CACNA2D2: variants seen among roughly 807,000 people sequenced by gnomAD.
CACNA2D2 encodes the protein voltage-dependent calcium channel subunit alpha-2/delta-2.
A neutral mutation model predicts 166.4 loss-of-function variants in CACNA2D2; 48 were observed. The observed-to-expected ratio is 0.29, with a 90% CI of 0.23 to 0.37. CACNA2D2 has a LOEUF of 0.37. CACNA2D2 is among the 10% of genes least tolerant of loss of function. CACNA2D2 has a pLI of 1.00. For synonymous variants in CACNA2D2, 561 were observed against 573.7 expected, an observed-to-expected ratio of 0.98 and a Z score of 0.32; for missense variants, 1,122 against 1,433.0, an observed-to-expected ratio of 0.78 and a Z score of 3.50.
chr3:50,407,459 G>C (rs1038517859), intron 3 of CACNA2D2, among the ~76,000 whole-genome samples: 1 of 152,216 alleles, frequency 6.6e-6, no homozygotes, highest in African/African-American at 2.4e-5. Context: ...TCAAGGCCAG[G>C]GGGTGGAATG....
chr3:50,405,707 G>C (rs1289430572), intron 3 of CACNA2D2, among the ~76,000 whole-genome samples: 2 of 152,068 alleles, frequency 1.3e-5, no homozygotes, highest in African/African-American at 4.8e-5. Flanking sequence ...TCAAGGTGAA[G>C]ACAACAAGGT....
chr3:50,471,173 T>A (rs1710079799), intron 2 of CACNA2D2, among the ~76,000 whole-genome samples: 1 of 151,548 alleles, frequency 6.6e-6, no homozygotes, highest in Non-Finnish European at 1.5e-5. Context: ...GGAGGCTGCG[T>A]GATGAGCAAG....
At position 50,380,822 on chromosome 3, in the gene CACNA2D2, G is replaced by A. The variant is rs967394144; in HGVS notation, c.785-17C>T. The A allele has an allele frequency of 1.9e-6, 3 of 1,543,690 alleles. No individual in the cohort carries two copies. Among genetic ancestry groups the A allele is most frequent in the African/African-American group, 1.4e-5 (1 of 72,410 alleles). On this transcript the variant is annotated splice_polypyrimidine_tract_variant and intron_variant, in intron 7 of 37. Coordinates refer to ENST00000424201, the MANE Select transcript of CACNA2D2 (RefSeq NM_006030.4). The surrounding 1 kb of genome is among the most constrained non-coding windows in gnomAD (Gnocchi z 4.9). ...ACGGGGTGGCTGAGGGAGGAGAGAA[G>A]GTGAGGGGGACTGGCAGGAAAGGGC...
intron 2 of CACNA2D2, among the ~76,000 whole-genome samples, chr3:50,462,123 T>C (rs1208003788): frequency 6.6e-6 from 1 of 151,942 alleles, no homozygotes; most frequent in African/African-American, 2.4e-5. Flanking sequence ...GTGGCTCACA[T>C]CTGTAATTCC....
intron 2 of CACNA2D2, among the ~76,000 whole-genome samples, chr3:50,448,053 C>CT (rs1289982760): frequency 6.6e-6 from 1 of 152,178 alleles, no homozygotes; most frequent in East Asian, 1.9e-4. Context: ...CTTGAGCCCT[C>CT]TGAGTTGCTA....
At chr3:50,479,138 C>T (rs1428639486) in intron 1 of CACNA2D2, among the ~76,000 whole-genome samples, 1 of 152,166 alleles carries the variant, frequency 6.6e-6, no homozygotes, top group Admixed American at 6.5e-5. Flanking sequence ...AAGTCCAATC[C>T]TTCCCCAAGA....
chr3:50,394,249 G>A, intron 3 of CACNA2D2, 81 bp from the exon 4 acceptor site: 1 of 1,155,204 alleles, frequency 8.7e-7, no homozygotes, highest in Non-Finnish European at 1.3e-6. Flanking sequence ...TCCATCCCCA[G>A]CACTCCCTGG....
At chr3:50,388,462 T>C (rs1246892549) in intron 4 of CACNA2D2, among the ~76,000 whole-genome samples, 1 of 152,236 alleles carries the variant, frequency 6.6e-6, no homozygotes, top group Admixed American at 6.5e-5. Flanking sequence ...TCCTCAGCCC[T>C]GTTCTGTACG....
chr3:50,477,463 G>T (rs939781036), intron 1 of CACNA2D2, among the ~76,000 whole-genome samples: 4 of 152,142 alleles, frequency 2.6e-5, no homozygotes, highest in African/African-American at 9.7e-5. Context: ...CCTTGCCTGG[G>T]TTCAGATACA....
At position 50,367,461 on chromosome 3, in the gene CACNA2D2, G is replaced by A. The variant is rs2109409440; in HGVS notation, c.2334C>T (p.Phe778=). ...GGCTGCGGCGGTAGAAGCTGGCATTGAAGGGCTCAGGGTTCTCTGTCCAGT... is the reference window on the plus strand; with the variant it reads ...GGCTGCGGCGGTAGAAGCTGGCATTAAAGGGCTCAGGGTTCTCTGTCCAGT... ...AEDWTENPEP[F]NASFYRRSLD... is the part of the protein sequence containing the mutation. Residue 778 remains phenylalanine (F), a synonymous_variant, in exon 27 of 38, where the codon TTC becomes TTT. Coordinates refer to ENST00000424201, the MANE Select transcript of CACNA2D2 (RefSeq NM_006030.4). The surrounding 1 kb of genome is among the most constrained non-coding windows in gnomAD (Gnocchi z 6.5). 2 of 1,613,972 alleles carry A rather than the reference G, an allele frequency of 1.2e-6. No individual in the cohort carries two copies. Among genetic ancestry groups the A allele is most frequent in the Admixed American group, 1.7e-5 (1 of 60,018 alleles).
At position 50,366,030 on chromosome 3, in the gene CACNA2D2, G is replaced by A. The variant is rs770979606; in HGVS notation, c.2843C>T (p.Ala948Val). Reference protein sequence around the residue: ...APQPPGNLGAAPRGVFVPTVA... With the variant: ...APQPPGNLGAVPRGVFVPTVA... ...ACTCACCACAAAGACACCCCGGGGT[G>A]CAGCACCCAGGTTGCCAGGGGGCTG... The change falls in exon 32 of 38, where the codon GCA (alanine) becomes GTA (valine). Residue 948 changes from alanine to valine, a missense_variant. Transcript: ENST00000424201. The surrounding 1 kb of genome is among the most constrained non-coding windows in gnomAD (Gnocchi z 5.9). The A allele has an allele frequency of 2.5e-6, 4 of 1,613,004 alleles. No homozygotes were observed. The South Asian group carries it at 3.3e-5, about 13-fold the overall frequency.
Position 50,380,726 on chromosome 3 carries a change from C to A in CACNA2D2, c.842+22G>T. On this transcript the variant is annotated intron_variant, in intron 8 of 37. Coordinates refer to ENST00000424201, the MANE Select transcript of CACNA2D2 (RefSeq NM_006030.4). The surrounding 1 kb of genome is among the most constrained non-coding windows in gnomAD (Gnocchi z 4.9). ...GGGGAACTGAGGGGGTGTCCCTCCCCAGCCCCTTCTTGCTCGCTCACCAGG... is the reference window on the plus strand; with the variant it reads ...GGGGAACTGAGGGGGTGTCCCTCCCAAGCCCCTTCTTGCTCGCTCACCAGG... 6.7e-7 allele frequency: 1 copy of A among 1,502,402 alleles called. No individual in the cohort carries two copies. Among genetic ancestry groups the A allele is most frequent in the Non-Finnish European group, 8.9e-7 (1 of 1,124,570 alleles). The allele number at this position is 1,502,402 out of a possible 1,614,324, so 93.1% of individuals were successfully genotyped here. A position where few individuals can be genotyped will look rare whatever the true frequency, so the allele number is the denominator to read the frequency against.
chr3:50,432,003 A>G (rs1334808597), intron 3 of CACNA2D2, among the ~76,000 whole-genome samples: 2 of 151,054 alleles, frequency 1.3e-5, no homozygotes, highest in Non-Finnish European at 2.9e-5. Flanking sequence ...AAAAAAAACA[A>G]AGAAAGAAAA....
At chr3:50,469,415 G>C (rs1012488184) in intron 2 of CACNA2D2, among the ~76,000 whole-genome samples, 3 of 152,088 alleles carry the variant, frequency 2.0e-5, no homozygotes, top group African/African-American at 7.2e-5. Flanking sequence ...GATCAACAGA[G>C]ATGAAGGGAC....
chr3:50,394,042 C>T, intron 4 of CACNA2D2, 67 bp downstream of exon 4: 1 of 1,454,556 alleles, frequency 6.9e-7, no homozygotes, highest in Non-Finnish European at 9.6e-7. Context: ...GCTCCCACCC[C>T]CCAGCATTCA....
At chr3:50,444,444 G>T (rs1457632247) in intron 2 of CACNA2D2, among the ~76,000 whole-genome samples, 2 of 152,352 alleles carry the variant, frequency 1.3e-5, no homozygotes, top group Middle Eastern at 3.4e-3. Context: ...AGTCTGCACA[G>T]CCCTGAGCTA....
chr3:50,435,523 T>C (rs1428031740), intron 2 of CACNA2D2, among the ~76,000 whole-genome samples: 1 of 149,320 alleles, frequency 6.7e-6, no homozygotes, highest in East Asian at 2.0e-4. Flanking sequence ...GAGGAGGTGA[T>C]GAGGGGAGAT....
At chr3:50,492,194 G>A (rs979368603) in intron 1 of CACNA2D2, among the ~76,000 whole-genome samples, 12 of 152,242 alleles carry the variant, frequency 7.9e-5, no homozygotes, top group African/African-American at 2.4e-4. Context: ...CGTTACGTCC[G>A]TGGCTGTGGC....
Position 50,367,560 on chromosome 3 carries a change from C to T in CACNA2D2, c.2298-63G>A. 2 of 1,602,316 alleles carry T rather than the reference C, an allele frequency of 1.2e-6. No individual in the cohort carries two copies. Among genetic ancestry groups the T allele is most frequent in the South Asian group, 1.1e-5 (1 of 90,456 alleles). On this transcript the variant is annotated intron_variant, in intron 26 of 37. Coordinates refer to ENST00000424201, the MANE Select transcript of CACNA2D2 (RefSeq NM_006030.4). The surrounding 1 kb of genome is among the most constrained non-coding windows in gnomAD (Gnocchi z 6.5). ...GGCTTGTCGGGGACAGTGGTCTCCA[C>T]AGATGCAAGGAGGCCTCTGGGCAGA...
Sources: gnomAD v4.1 joint callset for allele counts (sites outside exome capture counted in the v4.1 genomes callset) on GRCh38, gnomAD v4.1.1 for gene constraint, Gnocchi (gnomAD v3.1) non-coding constraint, MANE v1.5 for transcripts, NCBI Gene and HGNC (gene_info 2026-07-23, HGNC 2026-07-21) for gene names.